Variants in CTNNBL1 observed in about 807,000 individuals in gnomAD.
CTNNBL1 encodes the protein beta-catenin-like protein 1.
In CTNNBL1, 31 loss-of-function variants were observed where a neutral mutation model predicts 72.7. The ratio of observed to expected loss-of-function variants is 0.43; its 90% CI spans 0.32 to 0.58. The LOEUF (loss-of-function observed/expected upper bound fraction) is 0.58, where lower values mean the gene tolerates loss of function less well. Among genes scored for constraint, CTNNBL1 ranks in the 20% least tolerant of loss-of-function variants. CTNNBL1 has a pLI of 0.08. For missense variants in CTNNBL1, 534 were observed against 725.1 expected, an observed-to-expected ratio of 0.74 and a Z score of 3.03; for synonymous variants, 240 against 267.3, an observed-to-expected ratio of 0.90 and a Z score of 1.00.
At chr20:37,739,238 G>A (rs191704701) in intron 3 of CTNNBL1, among the ~76,000 whole-genome samples, 35 of 152,170 alleles carry the variant, frequency 2.3e-4, no homozygotes, top group Middle Eastern at 6.8e-3. Flanking sequence ...CTGCCTAGAG[G>A]AACCTTGTGA....
chr20:37,820,199 C>G (rs150029389), intron 11 of CTNNBL1, among the ~76,000 whole-genome samples: 2 of 152,160 alleles, frequency 1.3e-5, no homozygotes, highest in Non-Finnish European at 2.9e-5. Flanking sequence ...TTTGTAGATT[C>G]TTCTGTGTTG....
At chr20:37,817,480 G>A (rs2072070568) in intron 11 of CTNNBL1, among the ~76,000 whole-genome samples, 2 of 152,202 alleles carry the variant, frequency 1.3e-5, no homozygotes, top group Admixed American at 6.5e-5. Flanking sequence ...AGCTTGGCAT[G>A]AGTTTCAGTA....
At chr20:37,697,352 A>C (rs1440666402) in intron 1 of CTNNBL1, among the ~76,000 whole-genome samples, 1 of 152,198 alleles carries the variant, frequency 6.6e-6, no homozygotes, top group Non-Finnish European at 1.5e-5. Flanking sequence ...TGGGCATTAA[A>C]GGACTGAAGG....
chr20:37,748,226 G>A (rs1220814689), intron 4 of CTNNBL1, among the ~76,000 whole-genome samples: 1 of 152,220 alleles, frequency 6.6e-6, no homozygotes, highest in African/African-American at 2.4e-5. Flanking sequence ...TTGCCTGGCT[G>A]ATAATTCTCA....
Position 37,710,434 on chromosome 20 carries a change from G to A in CTNNBL1, c.30+16282G>A, listed in dbSNP as rs1187049665. On this transcript the variant is annotated intron_variant, in intron 1 of 15. Coordinates refer to ENST00000361383, the MANE Select transcript of CTNNBL1 (RefSeq NM_030877.5). ...GAAGAATGAAGCATTCGTATTCTTGGTCATTTTTGGATGAACTGCAAAACT... is the reference window on the plus strand; with the variant it reads ...GAAGAATGAAGCATTCGTATTCTTGATCATTTTTGGATGAACTGCAAAACT... Among the ~76,000 whole-genome samples, 4 of 152,168 alleles carry A rather than the reference G, an allele frequency of 2.6e-5. No homozygotes were observed. The East Asian group carries it at 7.7e-4, about 29-fold the overall frequency.
At position 37,817,564 on chromosome 20, in the gene CTNNBL1, A is replaced by G. The variant is rs6021111; in HGVS notation, c.1213+14516A>G. On this transcript the variant is annotated intron_variant, in intron 11 of 15. Transcript: ENST00000361383. Reference sequence around the variant, plus strand: ...TCAAATCCCAGCTCACACCAGCTGTATAACTTTTGGCATGTTAATTACCTT... The same window carrying G: ...TCAAATCCCAGCTCACACCAGCTGTGTAACTTTTGGCATGTTAATTACCTT... Among the ~76,000 whole-genome samples the G allele has an allele frequency of 3.0e-3, 463 of 152,338 alleles. 5 individuals are homozygous for G. Among genetic ancestry groups the G allele is most frequent in the African/African-American group, 9.9e-3 (413 of 41,570 alleles).
intron 13 of CTNNBL1, among the ~76,000 whole-genome samples, chr20:37,851,317 C>CT (rs918841289): frequency 5.7e-4 from 83 of 146,360 alleles, no homozygotes; most frequent in Admixed American, 1.6e-3. Context: ...GTATCTCTCT[C>CT]TTTTTTTTTT....
At chr20:37,783,636 A>G (rs1306527268) in intron 10 of CTNNBL1, among the ~76,000 whole-genome samples, 2 of 152,124 alleles carry the variant, frequency 1.3e-5, no homozygotes, top group South Asian at 2.1e-4. Flanking sequence ...ATTCAAGAGC[A>G]TATTGTTTAA....
At chr20:37,791,116 A>G (rs2073721659) in intron 10 of CTNNBL1, among the ~76,000 whole-genome samples, 1 of 152,074 alleles carries the variant, frequency 6.6e-6, no homozygotes, top group Non-Finnish European at 1.5e-5. Context: ...GCTGAGTAGC[A>G]CTCCATTATA....
At chr20:37,736,691 C>G (rs2073174542) in intron 2 of CTNNBL1, among the ~76,000 whole-genome samples, 1 of 151,918 alleles carries the variant, frequency 6.6e-6, no homozygotes, top group Admixed American at 6.6e-5. Flanking sequence ...CAGGCATGTG[C>G]CTGTATTTTT....
Position 37,730,208 on chromosome 20 carries a change from C to T in CTNNBL1, c.31-2671C>T, listed in dbSNP as rs548434964. ...ATAATAGAAAATTTTCTCTTATTAC[C>T]AAACAACTTAGCAGGCTGGCAGTGA... On this transcript the variant is annotated intron_variant, in intron 1 of 15. Transcript: ENST00000361383. Among the ~76,000 whole-genome samples the T allele has an allele frequency of 5.1e-4, 77 of 152,260 alleles. No individual in the cohort carries two copies. In the South Asian group the frequency reaches 8.9e-3, roughly 18 times the overall value.
chr20:37,870,682 T>G (rs1049188066), intron 15 of CTNNBL1, among the ~76,000 whole-genome samples: 2 of 152,100 alleles, frequency 1.3e-5, no homozygotes, highest in Non-Finnish European at 2.9e-5. Flanking sequence ...CACACAGCAT[T>G]GAGAGGGATC....
intron 10 of CTNNBL1, among the ~76,000 whole-genome samples, chr20:37,783,154 A>G (rs769886365): frequency 2.0e-5 from 3 of 152,056 alleles, no homozygotes; most frequent in Non-Finnish European, 4.4e-5. Flanking sequence ...CAAGCTATCC[A>G]CCTTTCTTGG....
At chr20:37,740,555 A>G (rs2073207160) in intron 3 of CTNNBL1, among the ~76,000 whole-genome samples, 1 of 152,196 alleles carries the variant, frequency 6.6e-6, no homozygotes, top group Non-Finnish European at 1.5e-5. Flanking sequence ...AAGTCCTTTA[A>G]TAGTTCTTCT....
At chr20:37,750,647 A>G (rs954646841) in intron 4 of CTNNBL1, 10 of 152,196 alleles carry the variant, frequency 6.6e-5, no homozygotes, top group Admixed American at 2.0e-4. Context: ...ACAAACCACA[A>G]CAACGATCAC....
intron 4 of CTNNBL1, among the ~76,000 whole-genome samples, chr20:37,752,336 A>G (rs1314042333): frequency 6.6e-6 from 1 of 152,216 alleles, no homozygotes; most frequent in African/African-American, 2.4e-5. Flanking sequence ...CTGCTTTAAA[A>G]GGAGAAAAAG....
At chr20:37,768,820 C>T (rs1048812712) in intron 7 of CTNNBL1, among the ~76,000 whole-genome samples, 1 of 151,688 alleles carries the variant, frequency 6.6e-6, no homozygotes, top group Non-Finnish European at 1.5e-5. Flanking sequence ...ACTCTGTTGC[C>T]CAGGATGGAG....
intron 15 of CTNNBL1, among the ~76,000 whole-genome samples, chr20:37,862,727 C>T (rs2072502095): frequency 6.6e-6 from 1 of 151,658 alleles, no homozygotes; most frequent in African/African-American, 2.4e-5. Flanking sequence ...CCCCCACCTC[C>T]ATGCAGACCC....
intron 1 of CTNNBL1, among the ~76,000 whole-genome samples, chr20:37,713,203 G>T (rs572754486): frequency 6.6e-6 from 1 of 152,326 alleles, no homozygotes; most frequent in African/African-American, 2.4e-5. Context: ...AAGATGGCAT[G>T]TGCCTCTGGC....
Sources: allele counts gnomAD v4.1 joint callset (sites outside exome capture counted in the v4.1 genomes callset), GRCh38; gene constraint gnomAD v4.1.1; transcripts MANE v1.5; gene names NCBI Gene and HGNC (gene_info 2026-07-23, HGNC 2026-07-21).